Variants in PLXDC2 observed in about 807,000 individuals in gnomAD.
The protein encoded by PLXDC2 is plexin domain-containing protein 2.
A neutral mutation model predicts 68.9 loss-of-function variants in PLXDC2; 40 were observed. The observed-to-expected ratio is 0.58, with a 90% CI of 0.45 to 0.76. PLXDC2 has a LOEUF of 0.76. Among genes scored for constraint, PLXDC2 ranks in the 30% least tolerant of loss-of-function variants. The pLI is 0.00. For synonymous variants in PLXDC2, 243 were observed against 234.2 expected (o/e 1.04, Z -0.34); for missense variants, 644 against 661.9 (o/e 0.97, Z 0.30).
chr10:19,938,089 C>G (rs1380769400), intron 1 of PLXDC2, among the ~76,000 whole-genome samples: 2 of 152,124 alleles, frequency 1.3e-5, no homozygotes, highest in Admixed American at 1.3e-4. Flanking sequence ...TTTTCAAGCA[C>G]TATGTCCATA....
chr10:19,821,830 T>G (rs559397737), intron 1 of PLXDC2, among the ~76,000 whole-genome samples: 1 of 152,360 alleles, frequency 6.6e-6, no homozygotes, highest in African/African-American at 2.4e-5. Context: ...AAAAAATTCA[T>G]TCGACCATTC....
intron 1 of PLXDC2, among the ~76,000 whole-genome samples, chr10:19,862,081 C>T (rs950166438): frequency 2.0e-5 from 3 of 152,094 alleles, no homozygotes; most frequent in African/African-American, 7.2e-5. Context: ...TTAACATCTA[C>T]TTTTTTGGTA....
chr10:20,273,206 C>T (rs1462787555), intron 13 of PLXDC2, among the ~76,000 whole-genome samples: 1 of 151,982 alleles, frequency 6.6e-6, no homozygotes, highest in Non-Finnish European at 1.5e-5. Context: ...TCTTTCTTAC[C>T]AAAAAGTGCA....
chr10:19,995,275 A>G (rs751548353), intron 1 of PLXDC2, among the ~76,000 whole-genome samples: 2 of 152,292 alleles, frequency 1.3e-5, no homozygotes, highest in East Asian at 3.9e-4. Context: ...ACAAAGCAAA[A>G]TTGGTACAGG....
chr10:20,126,806 T>TGTATATAGAACACACGTTATATAG (rs1833796168), intron 4 of PLXDC2, among the ~76,000 whole-genome samples: 1 of 137,704 alleles, frequency 7.3e-6, no homozygotes, highest in African/African-American at 2.9e-5. Flanking sequence ...ACGTTATATA[T>TGTATATAGAACACACGTTATATAG]GTATATATAA....
At chr10:19,855,513 CT>C (rs1183839518) in intron 1 of PLXDC2, among the ~76,000 whole-genome samples, 2 of 152,096 alleles carry the variant, frequency 1.3e-5, no homozygotes, top group Non-Finnish European at 2.9e-5. Flanking sequence ...TGTTCTTTAT[CT>C]GAAATTCTTG....
chr10:19,930,923 C>T (rs577441343), intron 1 of PLXDC2, among the ~76,000 whole-genome samples: 1 of 152,104 alleles, frequency 6.6e-6, no homozygotes, highest in Non-Finnish European at 1.5e-5. Context: ...AAGATCACAC[C>T]ACTGCACTCC....
chr10:19,966,391 T>TTTAAA (rs1834255463), intron 1 of PLXDC2, among the ~76,000 whole-genome samples: 1 of 147,462 alleles, frequency 6.8e-6, no homozygotes, highest in Non-Finnish European at 1.5e-5. Flanking sequence ...TGTGCACATA[T>TTTAAA]ATAAAATATA....
In PLXDC2 at chr10:20,284,330, T is replaced by TATATATATATATAC. The variant is rs1484131963; in HGVS notation, c.*4512_*4513insTATATATATATACA. The TATATATATATATAC allele has an allele frequency of 2.1e-3, 260 of 126,334 alleles. 2 individuals carry two copies. The highest frequency in any genetic ancestry group is 4.2e-3 in the African/African-American group (144 of 34,364). The allele number at this position is 126,334 out of a possible 1,614,324, so 7.8% of individuals were successfully genotyped here. A position where few individuals can be genotyped will look rare whatever the true frequency, so the allele number is the denominator to read the frequency against. On this transcript the variant is annotated 3_prime_UTR_variant, in exon 14 of 14. Coordinates refer to ENST00000377252, the MANE Select transcript of PLXDC2 (RefSeq NM_032812.9). Reference sequence around the variant, plus strand: ...AAATATACATATATATATATATATATACACACACACACACACACACACAAA... The same window carrying TATATATATATATAC: ...AAATATACATATATATATATATATATATATATATATATACACACACACACACACACACACACAAA...
intron 9 of PLXDC2, among the ~76,000 whole-genome samples, chr10:20,181,692 C>T (rs1279655526): frequency 2.0e-5 from 3 of 152,134 alleles, no homozygotes; most frequent in African/African-American, 7.2e-5. Context: ...GGAGAATTCC[C>T]AGCTGGTTTG....
intron 12 of PLXDC2, among the ~76,000 whole-genome samples, chr10:20,224,084 C>A (rs1276585868): frequency 2.0e-5 from 3 of 151,726 alleles, no homozygotes; most frequent in Non-Finnish European, 2.9e-5. Flanking sequence ...AGCGATTCAC[C>A]TGTCTCAGCC....
intron 3 of PLXDC2, 91 bp from the exon 4 acceptor site, chr10:20,068,079 G>A (rs1836245395): frequency 9.6e-7 from 1 of 1,043,696 alleles, no homozygotes. Context: ...TAAAGTAGAA[G>A]CATCATTTTT....
chr10:20,015,138 C>T (rs1411156913), intron 2 of PLXDC2, among the ~76,000 whole-genome samples: 1 of 152,206 alleles, frequency 6.6e-6, no homozygotes, highest in Non-Finnish European at 1.5e-5. Context: ...TCCAACAGAG[C>T]TTTCCCCCAG....
intron 4 of PLXDC2, among the ~76,000 whole-genome samples, chr10:20,129,546 C>CACATATATATGTGTATATATATACACAT (rs1833837933): frequency 6.6e-6 from 1 of 151,014 alleles, no homozygotes; most frequent in African/African-American, 2.4e-5. Flanking sequence ...TATACACATA[C>CACATATATATGTGTATATATATACACAT]ACATATATAT....
intron 9 of PLXDC2, among the ~76,000 whole-genome samples, chr10:20,198,851 G>A (rs1169522123): frequency 6.6e-6 from 1 of 152,044 alleles, no homozygotes; most frequent in Non-Finnish European, 1.5e-5. Context: ...TTCTCCCAAA[G>A]CTTCACTTTC....
rs11011932 is a variant in PLXDC2 at position 20,287,861 on chromosome 10, C to T, written c.*8042C>T. 24,138 of 151,306 alleles carry T rather than the reference C, an allele frequency of 0.16. 2,543 individuals are homozygous for T. The highest frequency in any genetic ancestry group is 0.32 in the Middle Eastern group (94 of 292). The allele number at this position is 151,306 out of a possible 1,614,324, so 9.4% of individuals were successfully genotyped here. ...AAAGGAGAGAGTCTTTTTTATATGC[C>T]AGCTGGGATCATGGGAACTTCGAAT... On this transcript the variant is annotated 3_prime_UTR_variant, in exon 14 of 14. Transcript: ENST00000377252.
intron 7 of PLXDC2, among the ~76,000 whole-genome samples, chr10:20,167,247 A>T (rs575809444): frequency 3.2e-4 from 49 of 152,336 alleles, no homozygotes; most frequent in Middle Eastern, 3.4e-3. Context: ...TCCCACATTT[A>T]TAAAGTATAA....
chr10:20,221,073 C>G (rs1441967928), intron 12 of PLXDC2, among the ~76,000 whole-genome samples: 1 of 151,978 alleles, frequency 6.6e-6, no homozygotes, highest in Non-Finnish European at 1.5e-5. Context: ...GAACTCCTGA[C>G]CTCAGGTGAT....
intron 4 of PLXDC2, among the ~76,000 whole-genome samples, chr10:20,106,566 G>T (rs2460578): frequency 0.32 from 48,796 of 152,066 alleles, 10,336 homozygotes; most frequent in Non-Finnish European, 0.48. Context: ...ATATGGGATT[G>T]TGCATGTGGG....
Sources: allele counts gnomAD v4.1 joint callset (sites outside exome capture counted in the v4.1 genomes callset), GRCh38; gene constraint gnomAD v4.1.1; transcripts MANE v1.5; gene names NCBI Gene and HGNC (gene_info 2026-07-23, HGNC 2026-07-21).